The following MYBPC1 variants were observed in gnomAD, a reference collection of about 807,000 sequenced individuals.
MYBPC1 encodes the protein myosin-binding protein C, slow-type.
In MYBPC1, 52 loss-of-function variants were observed where a neutral mutation model predicts 147.1. That is an observed-to-expected ratio of 0.35 (90% CI 0.28 to 0.45). The LOEUF is 0.45. Among genes scored for constraint, MYBPC1 ranks in the 20% least tolerant of loss-of-function variants. The pLI is 1.00. For synonymous variants in MYBPC1, 477 were observed against 475.9 expected (o/e 1.00, Z -0.03); for missense variants, 1,228 against 1,440.3 (o/e 0.85, Z 2.39).
intron 22 of MYBPC1, chr12:101,666,281 C>CACTGTGGG (rs1189470027): frequency 5.2e-6 from 1 of 190,872 alleles, no homozygotes; most frequent in African/African-American, 2.3e-5. Context: ...GAGGGAGCCC[C>CACTGTGGG]ACTGTGGGAG....
At chr12:101,620,773 A>G (rs1177135744) in intron 3 of MYBPC1, among the ~76,000 whole-genome samples, 1 of 152,170 alleles carries the variant, frequency 6.6e-6, no homozygotes, top group Non-Finnish European at 1.5e-5. Flanking sequence ...TCCATGCCTA[A>G]GTGCTGATAT....
chr12:101,614,395 G>T, intron 1 of MYBPC1, 101 bp from the exon 2 acceptor site: 1 of 1,298,940 alleles, frequency 7.7e-7, no homozygotes, highest in Non-Finnish European at 1.1e-6. Context: ...GTACACACAG[G>T]TGAGATGGCT....
In MYBPC1 at chr12:101,677,291, G is replaced by T. The variant is rs1900218854; in HGVS notation, c.3006G>T (p.Leu1002Phe). ...YHRTSATITE[L>F]VIGNEYYFRV... is the part of the protein sequence containing the mutation. ...GAACCAGTGCCACCATTACTGAATT[G>T]GTCATAGGGAATGAATATTACTTCC... The change falls in exon 27 of 32, where the codon TTG becomes TTT. Residue 1002 changes from leucine (L) to phenylalanine (F), a missense_variant. Transcript: ENST00000361466. 1 of 1,613,570 alleles carries T rather than the reference G, an allele frequency of 6.2e-7. No homozygotes were observed.
At chr12:101,675,176 A>G (rs1899664337) in intron 25 of MYBPC1, 116 bp from the exon 26 acceptor site, 3 of 1,393,216 alleles carry the variant, frequency 2.2e-6, no homozygotes, top group East Asian at 5.0e-5. Context: ...GGTAGGGTCT[A>G]GAAGAGTGAT....
intron 1 of MYBPC1, 130 bp downstream of exon 1, chr12:101,595,225 T>C (rs144414099): frequency 1.1e-6 from 1 of 875,156 alleles, no homozygotes; most frequent in Non-Finnish European, 1.8e-6. Context: ...AAGGAAACGA[T>C]CTTTTAGATT....
At chr12:101,632,629 G>A (rs973700988) in intron 8 of MYBPC1, among the ~76,000 whole-genome samples, 1 of 152,188 alleles carries the variant, frequency 6.6e-6, no homozygotes, top group Non-Finnish European at 1.5e-5. Context: ...AAAAAAACTC[G>A]CTTTTACAAG....
chr12:101,647,146 G>A (rs1278789635), intron 13 of MYBPC1: 3 of 463,214 alleles, frequency 6.5e-6, no homozygotes, highest in Non-Finnish European at 1.2e-5. Context: ...AAACCCAACA[G>A]ATTTTACTGG....
chr12:101,653,044 A>T (rs1178079717), intron 17 of MYBPC1, 71 bp from the exon 18 acceptor site: 1 of 1,561,746 alleles, frequency 6.4e-7, no homozygotes, highest in African/African-American at 1.4e-5. Context: ...CCATCATACT[A>T]GCCAAACATT....
chr12:101,634,712 C>G, intron 9 of MYBPC1, 107 bp downstream of exon 9: 2 of 905,548 alleles, frequency 2.2e-6, no homozygotes, highest in Non-Finnish European at 3.6e-6. Context: ...ACGAACAACA[C>G]TTTTCACCGC....
At chr12:101,657,781 C>T (rs1013724361) in intron 18 of MYBPC1, among the ~76,000 whole-genome samples, 29 of 152,092 alleles carry the variant, frequency 1.9e-4, no homozygotes, top group African/African-American at 6.8e-4. Flanking sequence ...AGAAATTGTG[C>T]CTTAATCTCT....
At chr12:101,665,211 A>G (rs1897225979) in intron 22 of MYBPC1, among the ~76,000 whole-genome samples, 1 of 152,162 alleles carries the variant, frequency 6.6e-6, no homozygotes. Flanking sequence ...GTATATGTAC[A>G]CAGTCATTAT....
At chr12:101,663,061 G>A (rs565006498) in intron 21 of MYBPC1, among the ~76,000 whole-genome samples, 2 of 152,086 alleles carry the variant, frequency 1.3e-5, no homozygotes, top group African/African-American at 2.4e-5. Flanking sequence ...TTATGGCAAT[G>A]AGGTATTTTT....
chr12:101,682,656 G>A lies in MYBPC1; in HGVS notation c.3486G>A (p.Gln1162=). The A allele has an allele frequency of 6.2e-7, 1 of 1,612,572 alleles. No individual in the cohort carries two copies. The highest frequency in any genetic ancestry group is 8.5e-7 in the Non-Finnish European group (1 of 1,178,678). ...TPGQPVFLEG[Q]QQSLHNKDF ...GACAACCAGTCTTCCTGGAGGGGCAGCAACAGGTTTAAAAAGTTTATATCC... is the reference window on the plus strand; with the variant it reads ...GACAACCAGTCTTCCTGGAGGGGCAACAACAGGTTTAAAAAGTTTATATCC... Residue 1162 remains glutamine (Q), a synonymous_variant, in exon 30 of 32, where the codon CAG becomes CAA. Coordinates refer to ENST00000361466, the MANE Select transcript of MYBPC1 (RefSeq NM_002465.4).
At chr12:101,670,796 TG>T (rs1898488499) in intron 24 of MYBPC1, among the ~76,000 whole-genome samples, 1 of 152,196 alleles carries the variant, frequency 6.6e-6, no homozygotes. Flanking sequence ...AGGAAAACAG[TG>T]TGTGCTTAGT....
At chr12:101,656,831 G>A (rs2136364769) in intron 18 of MYBPC1, among the ~76,000 whole-genome samples, 1 of 152,216 alleles carries the variant, frequency 6.6e-6, no homozygotes, top group African/African-American at 2.4e-5. Flanking sequence ...GAACTCAACA[G>A]CACTATCAAT....
At chr12:101,655,892 AT>A (rs59919967) in intron 18 of MYBPC1, among the ~76,000 whole-genome samples, 144,871 of 152,168 alleles carry the variant, frequency 0.95, 69,004 homozygotes, top group East Asian at 1. Flanking sequence ...AAACTTTTTC[AT>A]TTTTTCCTAT....
intron 1 of MYBPC1, among the ~76,000 whole-genome samples, chr12:101,603,408 C>T (rs189594171): frequency 2.4e-4 from 37 of 151,920 alleles, no homozygotes; most frequent in African/African-American, 7.7e-4. Flanking sequence ...ATAGGGTCTT[C>T]CTCAGTCTGC....
At chr12:101,664,058 A>C (rs1897028255) in intron 22 of MYBPC1, among the ~76,000 whole-genome samples, 1 of 152,200 alleles carries the variant, frequency 6.6e-6, no homozygotes. Context: ...CTTAGTTTTA[A>C]AGGAAGCAGC....
rs770663896 is a variant in MYBPC1 at position 101,680,420 on chromosome 12, C to A, written c.3324C>A (p.Val1108=). The part of the protein sequence containing the change: ...PRYRMFSNQG[V]CTLEIRKPSP... Reference sequence around the variant, plus strand: ...ACAGGATGTTCAGCAACCAGGGAGTCTGTACCCTGGAAATTCGCAAGCCCA... The same window carrying A: ...ACAGGATGTTCAGCAACCAGGGAGTATGTACCCTGGAAATTCGCAAGCCCA... Residue 1108 remains valine (V), a synonymous_variant, in exon 29 of 32, where the codon GTC becomes GTA. Transcript: ENST00000361466. 2 of 1,614,076 alleles carry A rather than the reference C, an allele frequency of 1.2e-6. No individual in the cohort carries two copies. Among genetic ancestry groups the A allele is most frequent in the Non-Finnish European group, 1.7e-6 (2 of 1,179,954 alleles).
Sources: gnomAD v4.1 joint callset for allele counts (sites outside exome capture counted in the v4.1 genomes callset) on GRCh38, gnomAD v4.1.1 for gene constraint, MANE v1.5 for transcripts, NCBI Gene and HGNC (gene_info 2026-07-23, HGNC 2026-07-21) for gene names.